KLHL4: variants seen among roughly 807,000 people sequenced by gnomAD.
The protein encoded by KLHL4 is kelch like family member 4.
A neutral mutation model predicts 45.8 loss-of-function variants in KLHL4; 17 were observed. The observed-to-expected ratio is 0.37, with a 90% CI of 0.25 to 0.56. The LOEUF (loss-of-function observed/expected upper bound fraction) is 0.56, where lower values mean the gene tolerates loss of function less well. KLHL4 is among the 20% of genes least tolerant of loss of function. The probability of loss-of-function intolerance (pLI) is 0.79; values close to 1 mark genes in which losing one functional copy is unlikely to be tolerated. For missense variants in KLHL4, 544 were observed against 544.9 expected, an observed-to-expected ratio of 1.00 and a Z score of 0.02; for synonymous variants, 224 against 189.9, an observed-to-expected ratio of 1.18 and a Z score of -1.47.
At chrX:87,527,374 C>T (rs1230034419) in intron 1 of KLHL4, among the ~76,000 whole-genome samples, 1 of 111,582 alleles carries the variant, frequency 9.0e-6, no homozygotes, top group African/African-American at 3.3e-5. Flanking sequence ...GTCCCTGAGA[C>T]CTCATCATCA....
intron 1 of KLHL4, among the ~76,000 whole-genome samples, chrX:87,565,452 G>C (rs776473509): frequency 9.0e-6 from 1 of 111,140 alleles, no homozygotes; most frequent in Non-Finnish European, 1.9e-5. Context: ...AAGAGGTCGC[G>C]TGTGGTGGCT....
At chrX:87,588,823 G>A (rs979268032) in intron 1 of KLHL4, among the ~76,000 whole-genome samples, 1 of 109,751 alleles carries the variant, frequency 9.1e-6, no homozygotes. Context: ...AGGAGAGGAA[G>A]AGGAAGAGGA....
At chrX:87,621,687 G>T (rs1270205872) in intron 4 of KLHL4, among the ~76,000 whole-genome samples, 2 of 111,589 alleles carry the variant, frequency 1.8e-5, no homozygotes, top group Non-Finnish European at 3.8e-5. Flanking sequence ...GTCAATAGAA[G>T]ATCATACTTT....
At chrX:87,555,951 T>C (rs1422629979) in intron 1 of KLHL4, among the ~76,000 whole-genome samples, 5 of 110,394 alleles carry the variant, frequency 4.5e-5, no homozygotes, top group Non-Finnish European at 9.5e-5. Flanking sequence ...AGAACATCTT[T>C]ATTTCTGCCT....
chrX:87,596,380 A>G lies in KLHL4; in HGVS notation c.423-17497A>G, dbSNP rs149643910. Among the ~76,000 whole-genome samples the G allele has an allele frequency of 4.4e-3, 491 of 112,046 alleles. 6 individuals carry two copies. Among genetic ancestry groups the G allele is most frequent in the African/African-American group, 0.015 (454 of 30,900 alleles). ...TGTATGAATTTTATTTTGTTCTCTT[A>G]TTTTAACTACATGGGATATCGTATT... On this transcript the variant is annotated intron_variant, in intron 1 of 10. Transcript: ENST00000373119.
intron 1 of KLHL4, among the ~76,000 whole-genome samples, chrX:87,607,075 T>C (rs1385682285): frequency 8.9e-6 from 1 of 111,832 alleles, no homozygotes; most frequent in African/African-American, 3.2e-5. Flanking sequence ...AACCTGTTTA[T>C]ACAATTTACG....
At chrX:87,617,873 T>G in intron 3 of KLHL4, 59 bp from the exon 4 acceptor site, 4 of 998,990 alleles carry the variant, frequency 4.0e-6, no homozygotes, top group Non-Finnish European at 5.4e-6. Context: ...GTCAACTAGT[T>G]GACGTAGTTT....
Position 87,666,715 on chromosome X carries a change from A to G in KLHL4, c.*181A>G. ...TCGTGAAGCCGAAACGTTTTTAAACATGAATTACATATGAATTATTAAGCA... is the reference window on the plus strand; with the variant it reads ...TCGTGAAGCCGAAACGTTTTTAAACGTGAATTACATATGAATTATTAAGCA... On this transcript the variant is annotated 3_prime_UTR_variant, in exon 11 of 11. Coordinates refer to ENST00000373119, the MANE Select transcript of KLHL4 (RefSeq NM_019117.5). 2.0e-6 allele frequency: 2 copies of G among 982,300 alleles called. No homozygotes were observed. The highest frequency in any genetic ancestry group is 2.6e-6 in the Non-Finnish European group (2 of 778,747). 81.0% of individuals were successfully genotyped at this position (982,300 alleles called of 1,213,427 possible).
At chrX:87,530,438 A>C (rs1931234672) in intron 1 of KLHL4, among the ~76,000 whole-genome samples, 1 of 64,442 alleles carries the variant, frequency 1.6e-5, no homozygotes, top group Non-Finnish European at 2.7e-5. Flanking sequence ...ACCCCACAAC[A>C]GTCCCCAGAG....
intron 1 of KLHL4, among the ~76,000 whole-genome samples, chrX:87,561,269 C>T (rs1198522984): frequency 9.0e-6 from 1 of 110,815 alleles, no homozygotes; most frequent in Non-Finnish European, 1.9e-5. Flanking sequence ...AGAAAGGAGC[C>T]ACTGAAGAGG....
chrX:87,532,268 G>C (rs1931307860), intron 1 of KLHL4, among the ~76,000 whole-genome samples: 1 of 110,134 alleles, frequency 9.1e-6, no homozygotes. Context: ...ATTTCTGAGG[G>C]CTCTGTTCTG....
intron 1 of KLHL4, among the ~76,000 whole-genome samples, chrX:87,536,682 A>G (rs1931435887): frequency 9.0e-6 from 1 of 110,881 alleles, no homozygotes; most frequent in Admixed American, 9.7e-5. Flanking sequence ...CCATTCTAGC[A>G]TAGCATAAAA....
At chrX:87,585,167 A>C (rs2147797047) in intron 1 of KLHL4, among the ~76,000 whole-genome samples, 1 of 111,744 alleles carries the variant, frequency 8.9e-6, no homozygotes, top group East Asian at 2.8e-4. Flanking sequence ...AAAAGGAAAT[A>C]AAGCCCTTCA....
intron 8 of KLHL4, 145 bp from the exon 9 acceptor site, chrX:87,635,418 G>T: frequency 2.4e-6 from 1 of 425,111 alleles, no homozygotes; most frequent in Non-Finnish European, 4.0e-6. Context: ...CTGCATAATA[G>T]TGTAGGAGTA....
chrX:87,632,972 G>T (rs1026974609), intron 7 of KLHL4, among the ~76,000 whole-genome samples: 2 of 111,352 alleles, frequency 1.8e-5, no homozygotes, highest in African/African-American at 6.5e-5. Context: ...GGTATTGCTT[G>T]CCCCAATTAT....
chrX:87,549,206 TA>T (rs1369747235), intron 1 of KLHL4, among the ~76,000 whole-genome samples: 1 of 110,860 alleles, frequency 9.0e-6, no homozygotes, highest in East Asian at 2.8e-4. Flanking sequence ...TGATCAATTT[TA>T]AAAAGGATAC....
chrX:87,633,915 A>G lies in KLHL4; in HGVS notation c.1712+4A>G. 8.4e-7 allele frequency: 1 copy of G among 1,196,876 alleles called. No individual in the cohort carries two copies. The highest frequency in any genetic ancestry group is 3.0e-5 in the East Asian group (1 of 33,686). On this transcript the variant is annotated splice_donor_region_variant and intron_variant, in intron 8 of 10. Transcript: ENST00000373119. ...GTGTTGTTGCATTAAACAACAAGTG[A>G]GTAAGTTGAAACACACATGTTCATT...
intron 1 of KLHL4, among the ~76,000 whole-genome samples, chrX:87,601,096 C>T (rs1282913799): frequency 2.7e-5 from 3 of 111,777 alleles, no homozygotes; most frequent in African/African-American, 9.8e-5. Context: ...CAACTTGGTT[C>T]TTGACTCCTT....
At chrX:87,612,488 T>A (rs1303578540) in intron 1 of KLHL4, among the ~76,000 whole-genome samples, 1 of 111,672 alleles carries the variant, frequency 9.0e-6, no homozygotes, top group East Asian at 2.8e-4. Flanking sequence ...CTAGGTCATG[T>A]AGCTTTGGGT....
Sources: allele counts gnomAD v4.1 joint callset (sites outside exome capture counted in the v4.1 genomes callset), GRCh38; gene constraint gnomAD v4.1.1; transcripts MANE v1.5; gene names NCBI Gene and HGNC (gene_info 2026-07-23, HGNC 2026-07-21).